The following TRIM46 variants were observed in gnomAD, a reference collection of about 807,000 sequenced individuals.
TRIM46 encodes tripartite motif containing 46.
A neutral mutation model predicts 69.7 loss-of-function variants in TRIM46; 17 were observed. The ratio of observed to expected loss-of-function variants is 0.24; its 90% CI spans 0.17 to 0.37. TRIM46 has a LOEUF of 0.37. Ranked by LOEUF, TRIM46 falls within the 10% of genes least tolerant of loss-of-function variation. The pLI is 1.00. For missense variants in TRIM46, 675 were observed against 1,025.1 expected (o/e 0.66, Z 4.66); for synonymous variants, 391 against 429.0 (o/e 0.91, Z 1.09).
Position 155,183,152 on chromosome 1 carries a change from C to T in TRIM46, c.1887-645C>T, listed in dbSNP as rs375967607. Among the ~76,000 whole-genome samples the T allele has an allele frequency of 4.7e-4, 71 of 152,054 alleles. 1 individual carries two copies. In the South Asian group the frequency reaches 8.9e-3, roughly 19 times the overall value. On this transcript the variant is annotated intron_variant, in intron 9 of 9. Coordinates refer to ENST00000334634, the MANE Select transcript of TRIM46 (RefSeq NM_025058.5). ...GTCTCAATCTCCTGACCTCGTGATC[C>T]GCCCACCTTGGCCTCCCAAAGTGCT...
chr1:155,174,700 A>G, intron 1 of TRIM46: 4 of 1,413,874 alleles, frequency 2.8e-6, no homozygotes, highest in East Asian at 2.8e-5. Context: ...CAAGAGGGGG[A>G]GGGGACTTCC....
At chr1:155,178,739 T>TTGGCGCCC in intron 7 of TRIM46, 126 bp downstream of exon 7, 4 of 1,348,472 alleles carry the variant, frequency 3.0e-6, no homozygotes, top group South Asian at 1.3e-5. Flanking sequence ...CAGCCATTCC[T>TTGGCGCCC]CCCACCCAGC....
At chr1:155,180,874 C>T (rs753576334) in intron 8 of TRIM46, among the ~76,000 whole-genome samples, 2 of 152,062 alleles carry the variant, frequency 1.3e-5, no homozygotes, top group Non-Finnish European at 2.9e-5. Context: ...CGCGCCATTG[C>T]ACTTCAGCCT....
Position 155,184,295 on chromosome 1 carries a change from C to T in TRIM46, c.*105C>T, listed in dbSNP as rs1050031810. 2 of 1,254,774 alleles carry T rather than the reference C, an allele frequency of 1.6e-6. No individual in the cohort carries two copies. The highest frequency in any genetic ancestry group is 2.9e-5 in the Admixed American group (1 of 35,066). 77.7% of individuals were successfully genotyped at this position (1,254,774 alleles called of 1,614,324 possible). A position where few individuals can be genotyped will look rare whatever the true frequency, so the allele number is the denominator to read the frequency against. On this transcript the variant is annotated 3_prime_UTR_variant, in exon 10 of 10. Transcript: ENST00000334634. The surrounding 1 kb of genome is among the most constrained non-coding windows in gnomAD (Gnocchi z 5.6). ...CTGGCAGCTTCTCCCCCAAACTCTC[C>T]TACCATGTGGCCCTGCTCCTTCTCC...
At position 155,184,022 on chromosome 1, in the gene TRIM46, C is replaced by T; in HGVS notation, c.2112C>T (p.Phe704=). 1.9e-6 allele frequency: 3 copies of T among 1,614,156 alleles called. No individual in the cohort carries two copies. Among genetic ancestry groups the T allele is most frequent in the Non-Finnish European group, 2.5e-6 (3 of 1,180,038 alleles). The change falls in exon 10 of 10, where the codon TTC becomes TTT. Residue 704 remains phenylalanine, a synonymous_variant. Coordinates refer to ENST00000334634, the MANE Select transcript of TRIM46 (RefSeq NM_025058.5). This position sits in a 1 kb window ranked among gnomAD's most constrained non-coding sequence, Gnocchi z 5.6. ...CLDYERGRVS[F]LDAVSFRGLL... The stretch of plus-strand genomic sequence containing the variant: ...ACTATGAGCGGGGCCGGGTTTCCTT[C>T]CTGGATGCTGTTTCCTTCCGTGGGC...
In TRIM46 at chr1:155,177,201, C is replaced by T. The variant is rs780344927; in HGVS notation, c.820C>T (p.Leu274=). 5.6e-6 allele frequency: 9 copies of T among 1,614,184 alleles called. No homozygotes were observed. The highest frequency in any genetic ancestry group is 7.6e-6 in the Non-Finnish European group (9 of 1,180,042). Residue 274 remains leucine (L), a synonymous_variant, in exon 5 of 10, where the codon CTG becomes TTG. Transcript: ENST00000334634. Reference sequence around the variant, plus strand: ...CCTCTTTCTTCCCCCTCAGGACAAGCTGACAAAGAGCCTGACATACATCCT... The same window carrying T: ...CCTCTTTCTTCCCCCTCAGGACAAGTTGACAAAGAGCCTGACATACATCCT... ...LSAYQALKDK[L]TKSLTYILGN... is the part of the protein sequence containing the mutation.
At chr1:155,179,574 C>A in intron 7 of TRIM46, 58 bp from the exon 8 acceptor site, 1 of 1,493,992 alleles carries the variant, frequency 6.7e-7, no homozygotes, top group Non-Finnish European at 9.0e-7. Flanking sequence ...CCTGCCCCTG[C>A]CCTCCATGCC....
At chr1:155,178,700 G>T in intron 7 of TRIM46, 87 bp downstream of exon 7, 1 of 1,580,090 alleles carries the variant, frequency 6.3e-7, no homozygotes, top group East Asian at 2.3e-5. Flanking sequence ...GCCTACCGGG[G>T]ACCTCCCCGG....
chr1:155,174,964 T>TA (rs1183788720), intron 1 of TRIM46: 4 of 1,384,400 alleles, frequency 2.9e-6, no homozygotes, highest in Middle Eastern at 2.7e-4. Flanking sequence ...TCGGGAGGAA[T>TA]CACGGCATGG....
Position 155,183,863 on chromosome 1 carries a change from C to T in TRIM46, c.1953C>T (p.Phe651=), listed in dbSNP as rs1048181670. The T allele has an allele frequency of 6.2e-6, 10 of 1,612,644 alleles. No individual in the cohort carries two copies. The highest frequency in any genetic ancestry group is 4.4e-5 in the South Asian group (4 of 91,080). The change falls in exon 10 of 10, where the codon TTC becomes TTT. Residue 651 remains phenylalanine, a synonymous_variant. Transcript: ENST00000334634. ...CCACAGTGGAGGCGTCGCCACCCTTCGCTTTCCTAACCATTGGCATGGGCA... is the reference window on the plus strand; with the variant it reads ...CCACAGTGGAGGCGTCGCCACCCTTTGCTTTCCTAACCATTGGCATGGGCA... The part of the protein sequence containing the change: ...EDATVEASPP[F]AFLTIGMGKI...
chr1:155,179,790 C>A lies in TRIM46; in HGVS notation c.1444C>A (p.Arg482=), dbSNP rs200642219. The change falls in exon 8 of 10, where the codon CGG becomes AGG. Residue 482 remains arginine, a synonymous_variant. Coordinates refer to ENST00000334634, the MANE Select transcript of TRIM46 (RefSeq NM_025058.5). ...PAQPGPTRWQ[R]REEVRGTSAL... ...TCAGCCAGGCCCCACCCGCTGGCAG[C>A]GGCGGGAGGAGGTGAGGGGCACCAG... The A allele has an allele frequency of 4.7e-5, 75 of 1,612,614 alleles. 2 individuals are homozygous for A. The Middle Eastern group carries it at 9.9e-4, about 21-fold the overall frequency.
At chr1:155,178,757 GCCACACCGT>G in intron 7 of TRIM46, 144 bp downstream of exon 7, 1 of 563,006 alleles carries the variant, frequency 1.8e-6, no homozygotes. Flanking sequence ...AGCCCACCCT[GCCACACCGT>G]CCTACCGCGC....
intron 7 of TRIM46, chr1:155,178,984 T>TGGA (rs1665928140): frequency 5.7e-6 from 3 of 523,678 alleles, no homozygotes; most frequent in Non-Finnish European, 9.7e-6. Context: ...GTCCTCCCAC[T>TGGA]GGACCAATGC....
chr1:155,175,849 G>A lies in TRIM46; in HGVS notation c.326-39G>A, dbSNP rs201120340. On this transcript the variant is annotated intron_variant, in intron 2 of 9. Coordinates refer to ENST00000334634, the MANE Select transcript of TRIM46 (RefSeq NM_025058.5). This position sits in a 1 kb window ranked among gnomAD's most constrained non-coding sequence, Gnocchi z 4.2. ...CAGGCTTCCCCACACCCAGCCAGCT[G>A]TAACTCTCATGTCCTCTACCTCCCT... The A allele has an allele frequency of 8.8e-6, 14 of 1,585,752 alleles. No homozygotes were observed. The highest frequency in any genetic ancestry group is 1.1e-5 in the South Asian group (1 of 87,864).
chr1:155,174,845 C>A (rs879620329), intron 1 of TRIM46: 2 of 1,413,440 alleles, frequency 1.4e-6, no homozygotes, highest in Non-Finnish European at 1.8e-6. Context: ...TTGGTAAGAC[C>A]GATGGGGAAG....
intron 7 of TRIM46, among the ~76,000 whole-genome samples, chr1:155,179,023 C>T (rs1270553841): frequency 6.6e-6 from 1 of 152,220 alleles, no homozygotes; most frequent in East Asian, 1.9e-4. Context: ...TCTTCAGGCG[C>T]TTGCGTAATC....
At position 155,182,024 on chromosome 1, in the gene TRIM46, G is replaced by A; in HGVS notation, c.1761G>A (p.Val587=). 2 of 1,613,624 alleles carry A rather than the reference G, an allele frequency of 1.2e-6. No homozygotes were observed. Among genetic ancestry groups the A allele is most frequent in the Admixed American group, 3.3e-5 (2 of 59,978 alleles). ...SVDVVLGDVA[V]TQGRSYWACA... ...ATGTGGTCCTGGGCGACGTGGCTGT[G>A]ACCCAGGGCCGCAGCTACTGGGCCT... The change falls in exon 9 of 10, where the codon GTG becomes GTA. Residue 587 remains valine (V), a synonymous_variant. Coordinates refer to ENST00000334634, the MANE Select transcript of TRIM46 (RefSeq NM_025058.5).
chr1:155,176,512 A>G (rs1323767075), intron 3 of TRIM46, among the ~76,000 whole-genome samples: 1 of 152,218 alleles, frequency 6.6e-6, no homozygotes, highest in Non-Finnish European at 1.5e-5. Context: ...TTCACTAAAA[A>G]GTGTTACCTG....
rs1252428916 is a variant in TRIM46, at chr1:155,181,939, C to T, written c.1676C>T (p.Pro559Leu). 6.2e-7 allele frequency: 1 copy of T among 1,613,964 alleles called. No homozygotes were observed. Among genetic ancestry groups the T allele is most frequent in the Non-Finnish European group, 8.5e-7 (1 of 1,180,044 alleles). Residue 559 changes from proline to leucine, a missense_variant, in exon 9 of 10, where the codon CCA becomes CTA. This residue lies in a region of TRIM46 where 361 missense variants were observed against 498.3 expected (regional missense o/e 0.72). Coordinates refer to ENST00000334634, the MANE Select transcript of TRIM46 (RefSeq NM_025058.5). This position sits in a 1 kb window ranked among gnomAD's most constrained non-coding sequence, Gnocchi z 4.3. ...SKDQRAVRSV[P>L]GLPLLLAADR... ...GACCAGCGAGCAGTACGGAGTGTTC[C>T]AGGGCTGCCCCTGCTGCTGGCTGCT...
Sources: allele counts gnomAD v4.1 joint callset (sites outside exome capture counted in the v4.1 genomes callset), GRCh38; gene constraint gnomAD v4.1.1; regional missense constraint gnomAD v4.1.1; non-coding constraint Gnocchi (gnomAD v3.1); transcripts MANE v1.5; gene names NCBI Gene and HGNC (gene_info 2026-07-23, HGNC 2026-07-21).